OBI1: variants seen among roughly 807,000 people sequenced by gnomAD.
OBI1 encodes ring finger protein 219.
OBI1 carries 59 observed loss-of-function variants against 62.4 expected under a neutral mutation model. That is an observed-to-expected ratio of 0.95 (90% CI 0.77 to 1.17). OBI1 has a LOEUF of 1.17. Ranked by LOEUF, OBI1 falls within the 50% of genes most tolerant of loss-of-function variation. The pLI is 0.00. For missense variants in OBI1, 875 were observed against 830.9 expected (o/e 1.05, Z -0.65); for synonymous variants, 302 against 292.8 (o/e 1.03, Z -0.32).
chr13:78,615,455 A>T lies in OBI1; in HGVS notation c.*125T>A. On this transcript the variant is annotated 3_prime_UTR_variant, in exon 6 of 6. Coordinates refer to ENST00000282003, the MANE Select transcript of OBI1 (RefSeq NM_024546.4). The stretch of plus-strand genomic sequence containing the variant: ...GGGTACAGGTTAATCCACCATCCTG[A>T]CTTGATACTTGACTAAAGATTATCA... 1.5e-6 allele frequency: 1 copy of T among 661,756 alleles called. No homozygotes were observed. The highest frequency in any genetic ancestry group is 2.6e-6 in the Non-Finnish European group (1 of 388,398). The allele number at this position is 661,756 out of a possible 1,614,324, so 41.0% of individuals were successfully genotyped here. A position where few individuals can be genotyped will look rare whatever the true frequency, so the allele number is the denominator to read the frequency against.
rs1285757524 is a variant in OBI1 at position 78,642,030 on chromosome 13, A to C, written c.300+92T>G. ...GGCTTTTAAAATAAAATTTCATTGGATATTTACTCTAAGAAGTCTGGGGAC... is the reference window on the plus strand; with the variant it reads ...GGCTTTTAAAATAAAATTTCATTGGCTATTTACTCTAAGAAGTCTGGGGAC... On this transcript the variant is annotated intron_variant, in intron 3 of 5. Transcript: ENST00000282003. 2.3e-5 allele frequency: 13 copies of C among 556,394 alleles called. No individual in the cohort carries two copies. The African/African-American group carries it at 2.5e-4, about 11-fold the overall frequency. 34.5% of individuals were successfully genotyped at this position (556,394 alleles called of 1,614,324 possible). A position where few individuals can be genotyped will look rare whatever the true frequency, so the allele number is the denominator to read the frequency against.
At chr13:78,653,713 C>A (rs937280396) in intron 1 of OBI1, among the ~76,000 whole-genome samples, 1 of 152,188 alleles carries the variant, frequency 6.6e-6, no homozygotes, top group African/African-American at 2.4e-5. Flanking sequence ...ACTGGTCTTG[C>A]AATTATATCT....
chr13:78,628,445 T>A (rs1875745757), intron 5 of OBI1, among the ~76,000 whole-genome samples: 1 of 152,190 alleles, frequency 6.6e-6, no homozygotes, highest in Admixed American at 6.5e-5. Context: ...AGAAAAGGCT[T>A]CCCTTCATCT....
chr13:78,623,709 G>A (rs1353136863), intron 5 of OBI1, among the ~76,000 whole-genome samples: 5 of 152,124 alleles, frequency 3.3e-5, no homozygotes, highest in African/African-American at 1.2e-4. Flanking sequence ...TGTATACAGA[G>A]TCAATGAACT....
intron 5 of OBI1, among the ~76,000 whole-genome samples, chr13:78,626,427 G>A (rs747088938): frequency 1.6e-4 from 25 of 152,134 alleles, no homozygotes; most frequent in Admixed American, 1.6e-3. Flanking sequence ...AACTGGGTAC[G>A]ACAGTCATGG....
At chr13:78,621,837 C>T (rs1418386790) in intron 5 of OBI1, among the ~76,000 whole-genome samples, 1 of 152,052 alleles carries the variant, frequency 6.6e-6, no homozygotes, top group Non-Finnish European at 1.5e-5. Context: ...TGAGAGCAAA[C>T]GATAAAATGC....
At chr13:78,620,545 T>G (rs980061971) in intron 5 of OBI1, 5 of 452,112 alleles carry the variant, frequency 1.1e-5, no homozygotes, top group Admixed American at 9.5e-5. Context: ...GGAACTGTAT[T>G]CTGCCAGAAT....
Position 78,616,222 on chromosome 13 carries a change from A to G in OBI1, c.1539T>C (p.Ser513=), listed in dbSNP as rs1875279780. ...TCCGGTTCATTTCAAAAGAGCGAAT[A>G]GAATTCAACCTTTTGGATAAACATA... ...SGLCLSKRLN[S]IRSFEMNRTR... The change falls in exon 6 of 6, where the codon TCT becomes TCC. Residue 513 remains serine, a synonymous_variant. Coordinates refer to ENST00000282003, the MANE Select transcript of OBI1 (RefSeq NM_024546.4). The G allele has an allele frequency of 6.2e-7, 1 of 1,614,018 alleles. No homozygotes were observed. The highest frequency in any genetic ancestry group is 1.7e-5 in the Admixed American group (1 of 60,008).
intron 5 of OBI1, among the ~76,000 whole-genome samples, chr13:78,628,650 C>A (rs971023693): frequency 9.2e-5 from 14 of 152,252 alleles, no homozygotes; most frequent in African/African-American, 2.9e-4. Flanking sequence ...TCTAGGAAAA[C>A]ACTGAATAGT....
chr13:78,623,177 T>A (rs1460600333), intron 5 of OBI1, among the ~76,000 whole-genome samples: 1 of 152,028 alleles, frequency 6.6e-6, no homozygotes, highest in Non-Finnish European at 1.5e-5. Flanking sequence ...TCCTAGAAAT[T>A]TGTTAATCAT....
intron 5 of OBI1, among the ~76,000 whole-genome samples, chr13:78,627,886 C>G (rs902003841): frequency 2.0e-5 from 3 of 152,056 alleles, no homozygotes; most frequent in Admixed American, 6.5e-5. Flanking sequence ...GTTAATTTAT[C>G]CAATGTTATT....
At chr13:78,649,562 A>G (rs76580042) in intron 1 of OBI1, among the ~76,000 whole-genome samples, 109 of 152,328 alleles carry the variant, frequency 7.2e-4, no homozygotes, top group Non-Finnish European at 1.3e-3. Context: ...GAAGACAGAA[A>G]ATACAGACAA....
rs1876336320 is a variant in OBI1 at position 78,644,919 on chromosome 13, G to A, written c.151C>T (p.Gln51Ter). ...ATGGGGACTCTGCAAGCTGGACACT[G>A]GCTATTATTCTTCAACCACAAATCA... ...CIDLWLKNNS[Q>*]CPACRVPITP... Residue 51 changes from glutamine to a stop codon, truncating the protein, a stop_gained, in exon 2 of 6, where the codon CAG (glutamine) becomes TAG (stop). Transcript: ENST00000282003. LOFTEE classifies it high-confidence loss of function. The A allele has an allele frequency of 1.2e-6, 2 of 1,613,930 alleles. No homozygotes were observed. Among genetic ancestry groups the A allele is most frequent in the Non-Finnish European group, 1.7e-6 (2 of 1,179,910 alleles).
chr13:78,638,864 T>G lies in OBI1; in HGVS notation c.508A>C (p.Ile170Leu), dbSNP rs1275630490. 6.2e-7 allele frequency: 1 copy of G among 1,613,604 alleles called. No homozygotes were observed. The highest frequency in any genetic ancestry group is 1.6e-4 in the Middle Eastern group (1 of 6,078). The change falls in exon 4 of 6, where the codon ATC (isoleucine) becomes CTC (leucine). Residue 170 changes from isoleucine to leucine, a missense_variant. Ile to Leu is a conservative substitution (Grantham distance 5). Transcript: ENST00000282003. ...WKKKLRTANE[I>L]YEKVKDDVDK... ...ACATCATCTTTCACTTTTTCATAGA[T>G]TTCATTAGCTGTTCTGAGTTTTTTC...
intron 5 of OBI1, among the ~76,000 whole-genome samples, chr13:78,632,495 T>TG (rs765532787): frequency 2.6e-5 from 4 of 152,170 alleles, no homozygotes; most frequent in Non-Finnish European, 5.9e-5. Context: ...TAGGATACAT[T>TG]GGAGACTAAG....
chr13:78,639,081 C>T lies in OBI1; in HGVS notation c.301-10G>A. The T allele has an allele frequency of 1.2e-6, 2 of 1,610,226 alleles. No individual in the cohort carries two copies. Among genetic ancestry groups the T allele is most frequent in the Non-Finnish European group, 1.7e-6 (2 of 1,178,294 alleles). On this transcript the variant is annotated splice_polypyrimidine_tract_variant and intron_variant, in intron 3 of 5. Coordinates refer to ENST00000282003, the MANE Select transcript of OBI1 (RefSeq NM_024546.4). The stretch of plus-strand genomic sequence containing the variant: ...AACAATCTATTTCGTCCTGAAAAAG[C>T]ATTGCATAGTCATGAGGCAGGCATA...
intron 2 of OBI1, among the ~76,000 whole-genome samples, chr13:78,643,744 C>T (rs935425400): frequency 1.3e-5 from 2 of 151,752 alleles, no homozygotes; most frequent in East Asian, 1.9e-4. Flanking sequence ...GCCGAGAACG[C>T]GCCACTGCAC....
At chr13:78,617,873 C>T (rs921788108) in intron 5 of OBI1, among the ~76,000 whole-genome samples, 2 of 151,804 alleles carry the variant, frequency 1.3e-5, no homozygotes, top group African/African-American at 4.8e-5. Flanking sequence ...TGAAAGAGAA[C>T]ATTTTGGAGA....
intron 5 of OBI1, 81 bp from the exon 6 acceptor site, chr13:78,617,203 C>T: frequency 9.0e-7 from 1 of 1,111,604 alleles, no homozygotes; most frequent in East Asian, 2.5e-5. Flanking sequence ...CTGTCCCAGG[C>T]TATTCTAATT....
Sources: gnomAD v4.1 joint callset for allele counts (sites outside exome capture counted in the v4.1 genomes callset) on GRCh38, gnomAD v4.1.1 for gene constraint, MANE v1.5 for transcripts, NCBI Gene and HGNC (gene_info 2026-07-23, HGNC 2026-07-21) for gene names.